The following NOX4 variants were observed in gnomAD, a reference collection of about 807,000 sequenced individuals.
The protein encoded by NOX4 is NADPH oxidase 4, also known as kidney oxidase-1.
NOX4 carries 69 observed loss-of-function variants against 87.6 expected under a neutral mutation model. That is an observed-to-expected ratio of 0.79 (90% CI 0.65 to 0.96). The LOEUF (loss-of-function observed/expected upper bound fraction) is 0.96. NOX4 is among the 40% of genes least tolerant of loss of function. The pLI is 0.00. For synonymous variants in NOX4, 275 were observed against 238.2 expected, an observed-to-expected ratio of 1.15 and a Z score of -1.42; for missense variants, 680 against 681.5, an observed-to-expected ratio of 1.00 and a Z score of 0.02.
intron 8 of NOX4, among the ~76,000 whole-genome samples, chr11:89,411,398 ACAGTGGGGTAGAG>A (rs1325143452): frequency 6.6e-6 from 1 of 152,110 alleles, no homozygotes; most frequent in Non-Finnish European, 1.5e-5. Context: ...CAATTCAGCC[ACAGTGGGGTAGAG>A]CACCAAGCAA....
intron 5 of NOX4, 168 bp downstream of exon 5, chr11:89,443,967 T>C: frequency 1.7e-6 from 1 of 584,160 alleles, no homozygotes; most frequent in South Asian, 2.2e-5. Flanking sequence ...TATGAAATAG[T>C]AATTACTTAT....
the NOX4 span, among the ~76,000 whole-genome samples, chr11:89,573,842 A>C: frequency 6.6e-6 from 1 of 152,004 alleles, no homozygotes; most frequent in Non-Finnish European, 1.5e-5. Context: ...TTCTTCCCTT[A>C]GGGGGAGCTG....
intron 17 of NOX4, among the ~76,000 whole-genome samples, chr11:89,333,593 G>T (rs1300053407): frequency 1.3e-5 from 2 of 151,740 alleles, no homozygotes; most frequent in African/African-American, 4.8e-5. Context: ...CTTTCTGAAA[G>T]ATAAAAACTG....
the NOX4 span, among the ~76,000 whole-genome samples, chr11:89,531,863 G>T: frequency 6.6e-6 from 1 of 152,248 alleles, no homozygotes; most frequent in African/African-American, 2.4e-5. Context: ...GGGACAGGAT[G>T]CCCTGTGGCC....
At chr11:89,365,598 T>A (rs1938902381) in intron 12 of NOX4, among the ~76,000 whole-genome samples, 1 of 151,804 alleles carries the variant, frequency 6.6e-6, no homozygotes, top group Non-Finnish European at 1.5e-5. Context: ...CATTTTTTTT[T>A]AACAATGTTG....
At chr11:89,418,422 G>GAATAAT (rs113480992) in intron 8 of NOX4, among the ~76,000 whole-genome samples, 17,356 of 139,474 alleles carry the variant, frequency 0.12, 1,204 homozygotes, top group Non-Finnish European at 0.17. Flanking sequence ...TGAACATTGA[G>GAATAAT]AATAATAATA....
intron 6 of NOX4, among the ~76,000 whole-genome samples, chr11:89,438,846 T>TATATAATATATTATATATTATATATATAA (rs373716565): frequency 3.9e-5 from 1 of 25,396 alleles, no homozygotes; most frequent in Non-Finnish European, 6.4e-5. Flanking sequence ...ATTATATATA[T>TATATAATATATTATATATTATATATATAA]TATATAATAT....
intron 11 of NOX4, among the ~76,000 whole-genome samples, chr11:89,374,832 T>C (rs1162119541): frequency 3.3e-5 from 5 of 152,200 alleles, no homozygotes; most frequent in Admixed American, 2.0e-4. Flanking sequence ...AAAATGGCAG[T>C]GGAAGGGCCC....
the NOX4 span, among the ~76,000 whole-genome samples, chr11:89,573,088 C>G: frequency 6.6e-6 from 1 of 152,148 alleles, no homozygotes; most frequent in Non-Finnish European, 1.5e-5. Context: ...CTGCAGAACA[C>G]CTTTTCCTTC....
chr11:89,354,007 T>C (rs1019026794), intron 13 of NOX4, among the ~76,000 whole-genome samples: 3 of 152,220 alleles, frequency 2.0e-5, no homozygotes, highest in Non-Finnish European at 4.4e-5. Context: ...GGATTCTGCA[T>C]TTATTTTTGT....
intron 11 of NOX4, among the ~76,000 whole-genome samples, chr11:89,391,300 A>G (rs1941104684): frequency 6.6e-6 from 1 of 152,144 alleles, no homozygotes. Context: ...TCCTCAGCAG[A>G]AGTGATATGA....
chr11:89,498,032 A>G (rs1946977571), exon 1 of NOX4: 1 of 152,182 alleles, frequency 6.6e-6, no homozygotes, highest in Non-Finnish European at 1.5e-5. Flanking sequence ...ACTCAAGACC[A>G]GTATCTTCTC....
chr11:89,463,633 G>T (rs1945561629), intron 2 of NOX4, among the ~76,000 whole-genome samples: 1 of 151,844 alleles, frequency 6.6e-6, no homozygotes, highest in African/African-American at 2.4e-5. Context: ...TTCCTGAAAG[G>T]GAGACAGGAT....
At chr11:89,546,814 G>A in the NOX4 span, 1 of 152,104 alleles carries the variant, frequency 6.6e-6, no homozygotes. Context: ...CCACTCCCAT[G>A]ATAACAGCAT....
chr11:89,377,149 G>A (rs1326594844), intron 11 of NOX4, among the ~76,000 whole-genome samples: 2 of 152,086 alleles, frequency 1.3e-5, no homozygotes, highest in Admixed American at 6.6e-5. Flanking sequence ...TCAAATTTTA[G>A]GAATACTAAC....
At chr11:89,434,588 C>G (rs1230263412) in intron 6 of NOX4, among the ~76,000 whole-genome samples, 1 of 151,862 alleles carries the variant, frequency 6.6e-6, no homozygotes, top group Non-Finnish European at 1.5e-5. Context: ...GCAAAGTAAC[C>G]CAGCCATTGC....
the NOX4 span, among the ~76,000 whole-genome samples, chr11:89,575,891 T>C: frequency 2.6e-5 from 4 of 152,214 alleles, no homozygotes; most frequent in African/African-American, 9.7e-5. Flanking sequence ...CTCTGAACAT[T>C]TGTTGTCACA....
At chr11:89,360,950 T>C (rs542377208) in intron 12 of NOX4, among the ~76,000 whole-genome samples, 6 of 152,064 alleles carry the variant, frequency 3.9e-5, no homozygotes, top group South Asian at 2.1e-4. Context: ...CTAAAAACAA[T>C]AGATGTTGGT....
In NOX4 at chr11:89,425,071, T is replaced by C. The variant is rs1469097187; in HGVS notation, c.549-3089A>G. ...AGCTCAGGATTGAAGCTGATCTTTT[T>C]ATTCCATTTGACAAAACTATACCTC... On this transcript the variant is annotated intron_variant, in intron 7 of 17. Coordinates refer to ENST00000263317, the MANE Select transcript of NOX4 (RefSeq NM_016931.5). Among the ~76,000 whole-genome samples, 4 of 152,272 alleles carry C rather than the reference T, an allele frequency of 2.6e-5. No homozygotes were observed. In the South Asian group the frequency reaches 8.3e-4, roughly 32 times the overall value.
Sources: allele counts gnomAD v4.1 joint callset (sites outside exome capture counted in the v4.1 genomes callset), GRCh38; gene constraint gnomAD v4.1.1; transcripts MANE v1.5; gene names NCBI Gene and HGNC (gene_info 2026-07-23, HGNC 2026-07-21).